CR1: variants seen among roughly 807,000 people sequenced by gnomAD.
CR1 encodes the protein complement C3b/C4b receptor 1 (Knops blood group), also known as complement receptor type 1.
Under a neutral mutation model 187.3 loss-of-function variants are expected in CR1, and 116 were observed. The observed-to-expected ratio is 0.62, with a 90% CI of 0.53 to 0.72. CR1 has a LOEUF of 0.72. CR1 is among the 30% of genes least tolerant of loss of function. The pLI, the probability that CR1 is intolerant of heterozygous loss-of-function variation, is 0.00. For missense variants in CR1, 1,731 were observed against 2,110.7 expected (o/e 0.82, Z 3.52); for synonymous variants, 576 against 747.1 (o/e 0.77, Z 3.73).
At chr1:207,587,089 T>C (rs1050547660) in intron 33 of CR1, among the ~76,000 whole-genome samples, 2 of 152,136 alleles carry the variant, frequency 1.3e-5, no homozygotes, top group African/African-American at 4.8e-5. Context: ...ACTGAGGATA[T>C]AGGCACTCCG....
intron 4 of CR1, among the ~76,000 whole-genome samples, chr1:207,519,236 A>T (rs1440195430): frequency 6.6e-6 from 1 of 151,924 alleles, no homozygotes; most frequent in Non-Finnish European, 1.5e-5. Flanking sequence ...ATCATATAGT[A>T]AGGTTTTGTT....
intron 35 of CR1, among the ~76,000 whole-genome samples, chr1:207,605,128 C>T (rs1354123333): frequency 4.0e-5 from 6 of 151,710 alleles, no homozygotes; most frequent in African/African-American, 1.5e-4. Context: ...GGCATGGCAG[C>T]GCATACCTGT....
intron 1 of CR1, among the ~76,000 whole-genome samples, chr1:207,497,861 C>G (rs957745846): frequency 2.0e-5 from 3 of 152,126 alleles, no homozygotes; most frequent in African/African-American, 7.2e-5. Flanking sequence ...ACTAAACTAC[C>G]TAGAAATTTT....
At chr1:207,628,921 A>T (rs796686615) in intron 45 of CR1, among the ~76,000 whole-genome samples, 1 of 152,150 alleles carries the variant, frequency 6.6e-6, no homozygotes, top group Non-Finnish European at 1.5e-5. Context: ...GCATCTTTCC[A>T]TATTGAGATT....
intron 28 of CR1, among the ~76,000 whole-genome samples, chr1:207,576,328 A>G (rs1232011602): frequency 6.6e-6 from 1 of 152,232 alleles, no homozygotes; most frequent in Non-Finnish European, 1.5e-5. Context: ...CCTACAGTAG[A>G]GTAGGACACA....
At chr1:207,519,920 C>A (rs1184866870) in intron 4 of CR1, among the ~76,000 whole-genome samples, 1 of 152,156 alleles carries the variant, frequency 6.6e-6, no homozygotes, top group Non-Finnish European at 1.5e-5. Flanking sequence ...GAGTAGTCTG[C>A]GGTCTGTTTA....
chr1:207,584,427 C>T (rs1375621145), intron 32 of CR1, among the ~76,000 whole-genome samples: 2 of 152,026 alleles, frequency 1.3e-5, no homozygotes, highest in Non-Finnish European at 2.9e-5. Context: ...ATTTAGGATG[C>T]TTAATTTGGG....
chr1:207,617,654 G>C (rs1203937350), intron 41 of CR1, among the ~76,000 whole-genome samples: 1 of 75,224 alleles, frequency 1.3e-5, no homozygotes, highest in East Asian at 4.0e-4. Flanking sequence ...GAGAGAGAGA[G>C]AGAGAGAGAT....
intron 42 of CR1, among the ~76,000 whole-genome samples, chr1:207,619,376 C>CAAAAAAAAAAAAAAAAAAAA (rs67078800): frequency 2.2e-5 from 2 of 92,648 alleles, no homozygotes; most frequent in Non-Finnish European, 2.2e-5. Flanking sequence ...CAGTGAGACT[C>CAAAAAAAAAAAAAAAAAAAA]AAAAAAAAAA....
chr1:207,626,331 C>T (rs1662477006), intron 45 of CR1, among the ~76,000 whole-genome samples: 1 of 152,114 alleles, frequency 6.6e-6, no homozygotes, highest in Non-Finnish European at 1.5e-5. Flanking sequence ...GGCAGAGGTC[C>T]CTTCTTTCGG....
Position 207,633,662 on chromosome 1 carries a change from AT to A in CR1, c.7457+3047del, listed in dbSNP as rs1352288210. Reference sequence around the variant, plus strand: ...AATTAACTTCTGATGAATAGAGACAATTTTTTAAAGATCTCCCCAATCTCTG... The same window carrying A: ...AATTAACTTCTGATGAATAGAGACAATTTTTAAAGATCTCCCCAATCTCTG... On this transcript the variant is annotated intron_variant, in intron 46 of 46. Coordinates refer to ENST00000367049, the MANE Select transcript of CR1 (RefSeq NM_000651.6). Among the ~76,000 whole-genome samples, 4 of 152,278 alleles carry A rather than the reference AT, an allele frequency of 2.6e-5. No individual in the cohort carries two copies. In the South Asian group the frequency reaches 6.2e-4, roughly 24 times the overall value.
At chr1:207,513,263 C>G (rs183694692) in intron 4 of CR1, among the ~76,000 whole-genome samples, 3 of 152,308 alleles carry the variant, frequency 2.0e-5, no homozygotes, top group African/African-American at 7.2e-5. Flanking sequence ...ACAAGAACCC[C>G]CATTGTCTCT....
At chr1:207,637,278 C>A (rs1178497084) in intron 46 of CR1, among the ~76,000 whole-genome samples, 1 of 152,176 alleles carries the variant, frequency 6.6e-6, no homozygotes, top group Non-Finnish European at 1.5e-5. Context: ...CACTGGGACA[C>A]GACTGAGTTT....
At chr1:207,502,224 A>G (rs1558210811) in intron 1 of CR1, among the ~76,000 whole-genome samples, 4 of 152,244 alleles carry the variant, frequency 2.6e-5, no homozygotes, top group Admixed American at 2.6e-4. Flanking sequence ...ATTGAGAGAA[A>G]TAGATACTTC....
At chr1:207,497,806 T>A (rs1455468298) in intron 1 of CR1, among the ~76,000 whole-genome samples, 1 of 151,894 alleles carries the variant, frequency 6.6e-6, no homozygotes, top group East Asian at 1.9e-4. Flanking sequence ...AAAAAAAAAA[T>A]TTACTGAGGT....
In CR1 at chr1:207,619,216, C is replaced by T. The variant is rs370473407; in HGVS notation, c.7067-664C>T. 3.3e-4 allele frequency among the ~76,000 whole-genome samples: 50 copies of T among 151,166 alleles called. No homozygotes were observed. The East Asian group carries it at 6.2e-3, about 19-fold the overall frequency. ...TGGCCAACATGGTGAAACCCCGTCT[C>T]TACCAAAAATACAAAAATTAATCAG... On this transcript the variant is annotated intron_variant, in intron 42 of 46. Transcript: ENST00000367049.
chr1:207,609,033 T>A (rs1047458596), intron 36 of CR1, among the ~76,000 whole-genome samples: 1 of 152,126 alleles, frequency 6.6e-6, no homozygotes, highest in Non-Finnish European at 1.5e-5. Context: ...ACATGTATTA[T>A]CCACTTAAAA....
At chr1:207,601,955 C>G (rs1558260013) in intron 35 of CR1, among the ~76,000 whole-genome samples, 1 of 152,110 alleles carries the variant, frequency 6.6e-6, no homozygotes, top group Non-Finnish European at 1.5e-5. Flanking sequence ...CAAAGGACAG[C>G]TGGCCTCTCC....
rs1415681711 is a variant in CR1 at position 207,588,680 on chromosome 1, T to C, written c.5716T>C (p.Ser1906Pro). The change falls in exon 35 of 47, where the codon TCA becomes CCA. Residue 1906 changes from serine (S) to proline (P), a missense_variant. Physicochemically the swap from Ser to Pro is moderately conservative, Grantham distance 74. This residue lies in a region of CR1 where 1,312 missense variants were observed against 1,379.6 expected (regional missense o/e 0.95). Coordinates refer to ENST00000367049, the MANE Select transcript of CR1 (RefSeq NM_000651.6). ...AATTCTGCTTCTTCCCCTAGGAAAA[T>C]CATGTGGACCTCCACCAGAACCCTT... Reference protein sequence around the residue: ...SSVEDNCRRKSCGPPPEPFNG... With the variant: ...SSVEDNCRRKPCGPPPEPFNG... 4 of 1,611,202 alleles carry C rather than the reference T, an allele frequency of 2.5e-6. No individual in the cohort carries two copies. The South Asian group carries it at 3.3e-5, about 13-fold the overall frequency.
Sources: gnomAD v4.1 joint callset for allele counts (sites outside exome capture counted in the v4.1 genomes callset) on GRCh38, gnomAD v4.1.1 for gene constraint, gnomAD v4.1.1 regional missense constraint, MANE v1.5 for transcripts, NCBI Gene and HGNC (gene_info 2026-07-23, HGNC 2026-07-21) for gene names.